Variants in ANGPT1 observed in about 807,000 individuals in gnomAD.
ANGPT1 encodes the protein angiopoietin 1, also known as angiopoietin-1.
Under a neutral mutation model 62.2 loss-of-function variants are expected in ANGPT1, and 17 were observed. That is an observed-to-expected ratio of 0.27 (90% CI 0.19 to 0.41). ANGPT1 has a LOEUF of 0.41. Ranked by LOEUF, ANGPT1 falls within the 10% of genes least tolerant of loss-of-function variation. ANGPT1 has a pLI of 1.00. For synonymous variants in ANGPT1, 199 were observed against 198.9 expected, an observed-to-expected ratio of 1.00 and a Z score of 0.00; for missense variants, 478 against 594.9, an observed-to-expected ratio of 0.80 and a Z score of 2.04.
At chr8:107,278,922 G>GT (rs570378896) in intron 7 of ANGPT1, among the ~76,000 whole-genome samples, 9 of 152,164 alleles carry the variant, frequency 5.9e-5, no homozygotes, top group Non-Finnish European at 1.2e-4. Context: ...TCAAGCATAT[G>GT]TTTTAACCTT....
chr8:107,466,836 CA>C (rs1316015313), intron 1 of ANGPT1, among the ~76,000 whole-genome samples: 1 of 151,938 alleles, frequency 6.6e-6, no homozygotes, highest in Non-Finnish European at 1.5e-5. Context: ...TGCTTGAACC[CA>C]GGAGGCCGAG....
intron 7 of ANGPT1, among the ~76,000 whole-genome samples, chr8:107,272,751 T>C (rs756624654): frequency 6.7e-6 from 1 of 150,304 alleles, no homozygotes; most frequent in Non-Finnish European, 1.5e-5. Context: ...ATATATATTA[T>C]ATATGTATGT....
At chr8:107,444,894 G>A (rs1811574635) in intron 1 of ANGPT1, among the ~76,000 whole-genome samples, 1 of 152,058 alleles carries the variant, frequency 6.6e-6, no homozygotes, top group Non-Finnish European at 1.5e-5. Flanking sequence ...AAAAACCCGG[G>A]GAGTGAACTA....
intron 1 of ANGPT1, among the ~76,000 whole-genome samples, chr8:107,439,200 T>G (rs1262402653): frequency 6.6e-6 from 1 of 152,214 alleles, no homozygotes; most frequent in Non-Finnish European, 1.5e-5. Context: ...GCCATTAATT[T>G]AGAAACCAGT....
At position 107,255,778 on chromosome 8, in the gene ANGPT1, T is replaced by TA. The variant is rs1368341674; in HGVS notation, c.1337-3764dup. On this transcript the variant is annotated intron_variant, in intron 8 of 8. Transcript: ENST00000517746. ...AGAATCAAATAAGATAATGCACTAT[T>TA]ACAGCCTGTAAAATCCTACTAAAGT... 2.1e-5 allele frequency among the ~76,000 whole-genome samples: 3 copies of TA among 143,330 alleles called. No individual in the cohort carries two copies. In the East Asian group the frequency reaches 6.5e-4, roughly 31 times the overall value. The allele number at this position is 143,330 out of a possible 152,430, so 94.0% of individuals were successfully genotyped here. A position where few individuals can be genotyped will look rare whatever the true frequency, so the allele number is the denominator to read the frequency against.
rs531489421 is a variant in ANGPT1 at position 107,396,647 on chromosome 8, A to G, written c.298-49550T>C. Among the ~76,000 whole-genome samples the G allele has an allele frequency of 4.7e-5, 7 of 150,202 alleles. No individual in the cohort carries two copies. In the South Asian group the frequency reaches 1.5e-3, roughly 32 times the overall value. On this transcript the variant is annotated intron_variant, in intron 1 of 8. Transcript: ENST00000517746. ...AGGATCTTCATGCTTCAGCCTCCCA[A>G]GTAGCTGGGTCTACAGGCCAGTGTC...
chr8:107,341,941 A>G (rs1256517592), intron 2 of ANGPT1, among the ~76,000 whole-genome samples: 1 of 152,084 alleles, frequency 6.6e-6, no homozygotes, highest in Non-Finnish European at 1.5e-5. Context: ...TCAAGTCGCC[A>G]TGAGGTGCTC....
intron 8 of ANGPT1, among the ~76,000 whole-genome samples, chr8:107,259,659 CAT>C (rs1181650194): frequency 1.3e-5 from 2 of 152,126 alleles, no homozygotes; most frequent in African/African-American, 4.8e-5. Context: ...AAAACGGTAA[CAT>C]ATTTGTTTTT....
In ANGPT1 at chr8:107,475,716, A is replaced by G. The variant is rs929544473; in HGVS notation, c.297+21546T>C. 2.6e-5 allele frequency among the ~76,000 whole-genome samples: 4 copies of G among 152,222 alleles called. No homozygotes were observed. In the East Asian group the frequency reaches 7.7e-4, roughly 29 times the overall value. On this transcript the variant is annotated intron_variant, in intron 1 of 8. Transcript: ENST00000517746. ...CAAAGGGTTAATATCCAGAATCTAC[A>G]AAGAACTCAAACAAATTGAGAAGAA...
At chr8:107,402,553 A>G (rs981810484) in intron 1 of ANGPT1, among the ~76,000 whole-genome samples, 5 of 152,178 alleles carry the variant, frequency 3.3e-5, no homozygotes, top group African/African-American at 1.2e-4. Context: ...TATTAATTTT[A>G]CAGCTGTTAA....
At chr8:107,354,977 C>G (rs958101710) in intron 1 of ANGPT1, among the ~76,000 whole-genome samples, 1 of 149,198 alleles carries the variant, frequency 6.7e-6, no homozygotes, top group Admixed American at 6.7e-5. Flanking sequence ...GTGGGGCAAT[C>G]TCAGCTCGCT....
chr8:107,483,606 G>A (rs1168629696), intron 1 of ANGPT1, among the ~76,000 whole-genome samples: 1 of 150,994 alleles, frequency 6.6e-6, no homozygotes, highest in Non-Finnish European at 1.5e-5. Flanking sequence ...TATGGCATAA[G>A]GTCTTTTAAG....
intron 2 of ANGPT1, among the ~76,000 whole-genome samples, chr8:107,344,392 C>T (rs1815759648): frequency 6.6e-6 from 1 of 152,098 alleles, no homozygotes; most frequent in Non-Finnish European, 1.5e-5. Context: ...GTGAGAAAAA[C>T]ACTGCAAGCC....
chr8:107,364,409 T>C (rs1190890651), intron 1 of ANGPT1, among the ~76,000 whole-genome samples: 1 of 152,136 alleles, frequency 6.6e-6, no homozygotes, highest in Non-Finnish European at 1.5e-5. Flanking sequence ...GCCTCCCTAG[T>C]AGCTGGGATT....
intron 8 of ANGPT1, among the ~76,000 whole-genome samples, chr8:107,252,653 G>A (rs1813272766): frequency 6.6e-6 from 1 of 152,100 alleles, no homozygotes; most frequent in South Asian, 2.1e-4. Flanking sequence ...TTCAGTTCCT[G>A]TACAGCCATA....
At chr8:107,483,171 A>C (rs1180436655) in intron 1 of ANGPT1, among the ~76,000 whole-genome samples, 1 of 152,240 alleles carries the variant, frequency 6.6e-6, no homozygotes, top group African/African-American at 2.4e-5. Flanking sequence ...ATTTATGTTC[A>C]GGGTAATTCA....
At chr8:107,404,405 T>A (rs1817106074) in intron 1 of ANGPT1, among the ~76,000 whole-genome samples, 1 of 152,120 alleles carries the variant, frequency 6.6e-6, no homozygotes, top group Non-Finnish European at 1.5e-5. Context: ...ACTGTTAAAT[T>A]TAAGATTTAT....
At chr8:107,391,024 A>G (rs540962603) in intron 1 of ANGPT1, among the ~76,000 whole-genome samples, 2 of 152,336 alleles carry the variant, frequency 1.3e-5, no homozygotes, top group South Asian at 4.1e-4. Flanking sequence ...GCTATCATTA[A>G]ACATTTTTAA....
intron 7 of ANGPT1, among the ~76,000 whole-genome samples, chr8:107,277,022 T>C (rs934071537): frequency 2.0e-5 from 3 of 152,190 alleles, no homozygotes; most frequent in Non-Finnish European, 4.4e-5. Flanking sequence ...ATAAATAATA[T>C]AAAGTCAATA....
Sources: gnomAD v4.1 joint callset for allele counts (sites outside exome capture counted in the v4.1 genomes callset) on GRCh38, gnomAD v4.1.1 for gene constraint, MANE v1.5 for transcripts, NCBI Gene and HGNC (gene_info 2026-07-23, HGNC 2026-07-21) for gene names.